Variants in SMIM13 observed in about 807,000 individuals in gnomAD.
The protein encoded by SMIM13 is small integral membrane protein 13.
A neutral mutation model predicts 5.9 loss-of-function variants in SMIM13; 3 were observed. That is an observed-to-expected ratio of 0.51 (90% CI 0.23 to 1.31). The LOEUF (loss-of-function observed/expected upper bound fraction) is 1.31. Ranked by LOEUF, SMIM13 falls within the 40% of genes most tolerant of loss-of-function variation. SMIM13 has a pLI of 0.18. For missense variants in SMIM13, 85 were observed against 109.9 expected, an observed-to-expected ratio of 0.77 and a Z score of 1.01; for synonymous variants, 55 against 46.0, an observed-to-expected ratio of 1.19 and a Z score of -0.79.
chr6:11,115,728 G>A (rs1313056336), intron 1 of SMIM13, among the ~76,000 whole-genome samples: 24 of 143,162 alleles, frequency 1.7e-4, no homozygotes, highest in African/African-American at 6.3e-4. Context: ...TTTGTTGCCC[G>A]GGCTGGGGTG....
chr6:11,124,128 A>C (rs1457151819), intron 1 of SMIM13, among the ~76,000 whole-genome samples: 1 of 152,154 alleles, frequency 6.6e-6, no homozygotes, highest in Non-Finnish European at 1.5e-5. Context: ...TTTTGTACCC[A>C]TTAACCATTC....
chr6:11,096,104 A>G (rs1177427067), intron 1 of SMIM13, among the ~76,000 whole-genome samples: 1 of 152,250 alleles, frequency 6.6e-6, no homozygotes, highest in Non-Finnish European at 1.5e-5. Flanking sequence ...ACATTAAGGA[A>G]TAAGAGAGAT....
chr6:11,106,296 A>AG (rs1489281708), intron 1 of SMIM13, among the ~76,000 whole-genome samples: 5 of 152,210 alleles, frequency 3.3e-5, no homozygotes, highest in Admixed American at 2.6e-4. Flanking sequence ...TGTGGTATGC[A>AG]GGGAGCTGAG....
At chr6:11,100,545 C>T (rs1757977056) in intron 1 of SMIM13, among the ~76,000 whole-genome samples, 1 of 152,168 alleles carries the variant, frequency 6.6e-6, no homozygotes, top group South Asian at 2.1e-4. Flanking sequence ...TTATCCTCTT[C>T]TGTACCCTGT....
chr6:11,097,493 T>TA (rs112958222), intron 1 of SMIM13, among the ~76,000 whole-genome samples: 33,798 of 141,882 alleles, frequency 0.24, 4,234 homozygotes, highest in African/African-American at 0.35. Flanking sequence ...CCGTCTGTGC[T>TA]AAAAAAAAAA....
Position 11,095,167 on chromosome 6 carries a change from A to G in SMIM13, c.76+778A>G, listed in dbSNP as rs369142060. On this transcript the variant is annotated intron_variant, in intron 1 of 1. Transcript: ENST00000416247. ...AGAACACGTGTCAGTGAGTTTACACATATTTATAAGACTGAAGTATGGGTT... is the reference window on the plus strand; with the variant it reads ...AGAACACGTGTCAGTGAGTTTACACGTATTTATAAGACTGAAGTATGGGTT... Among the ~76,000 whole-genome samples the G allele has an allele frequency of 3.3e-5, 5 of 152,340 alleles. No homozygotes were observed. In the East Asian group the frequency reaches 9.6e-4, roughly 29 times the overall value.
chr6:11,103,728 C>A (rs1430955726), intron 1 of SMIM13: 2 of 1,551,432 alleles, frequency 1.3e-6, no homozygotes, highest in Middle Eastern at 1.7e-4. Context: ...GCGAGGATGG[C>A]GTCCTGCACT....
chr6:11,097,118 A>G (rs902900145), intron 1 of SMIM13, among the ~76,000 whole-genome samples: 1 of 152,092 alleles, frequency 6.6e-6, no homozygotes, highest in African/African-American at 2.4e-5. Context: ...GATTACAGGC[A>G]TGAGCCACCC....
At chr6:11,100,070 GT>G (rs907562894) in intron 1 of SMIM13, among the ~76,000 whole-genome samples, 2 of 151,078 alleles carry the variant, frequency 1.3e-5, no homozygotes, top group African/African-American at 2.4e-5. Flanking sequence ...TTTTGTTTTT[GT>G]TTTTTTTGAG....
chr6:11,122,159 T>C (rs1421024622), intron 1 of SMIM13, among the ~76,000 whole-genome samples: 1 of 152,158 alleles, frequency 6.6e-6, no homozygotes, highest in Non-Finnish European at 1.5e-5. Flanking sequence ...TCTAGGGAGC[T>C]TAAAAAAAAT....
intron 1 of SMIM13, among the ~76,000 whole-genome samples, chr6:11,095,471 G>T (rs1385098585): frequency 6.6e-6 from 1 of 152,120 alleles, no homozygotes; most frequent in Non-Finnish European, 1.5e-5. Context: ...TCAGACTCTC[G>T]AGTAGCTGTA....
At chr6:11,116,497 T>C (rs1358750151) in intron 1 of SMIM13, among the ~76,000 whole-genome samples, 1 of 152,270 alleles carries the variant, frequency 6.6e-6, no homozygotes, top group East Asian at 1.9e-4. Context: ...GGACTTTTCT[T>C]TTTGGAAAGA....
chr6:11,105,593 G>A (rs1758073645), intron 1 of SMIM13: 4 of 378,700 alleles, frequency 1.1e-5, no homozygotes, highest in Non-Finnish European at 2.0e-5. Flanking sequence ...TCACTTGGGT[G>A]TGATGGATCT....
chr6:11,104,570 G>A (rs762706096), intron 1 of SMIM13: 1 of 1,608,932 alleles, frequency 6.2e-7, no homozygotes, highest in African/African-American at 1.3e-5. Context: ...TTTGGCTCTG[G>A]TTAGCTCCCT....
At position 11,134,505 on chromosome 6, in the gene SMIM13, C is replaced by G. The variant is rs747187306; in HGVS notation, c.179C>G (p.Ser60Cys). The G allele has an allele frequency of 2.6e-6, 4 of 1,551,210 alleles. No homozygotes were observed. The South Asian group carries it at 4.8e-5, about 18-fold the overall frequency. Reference sequence around the variant, plus strand: ...GAGGGAGATCATGAGCCTTCAGGGTCTGAAACTGAAGAAGACACTTCCTCC... The same window carrying G: ...GAGGGAGATCATGAGCCTTCAGGGTGTGAAACTGAAGAAGACACTTCCTCC... ...SQEGDHEPSG[S>C]ETEEDTSSSP... Residue 60 changes from serine (S) to cysteine (C), a missense_variant, in exon 2 of 2, where the codon TCT becomes TGT. Transcript: ENST00000416247.
intron 1 of SMIM13, among the ~76,000 whole-genome samples, chr6:11,108,749 G>T (rs1269569774): frequency 6.6e-6 from 1 of 152,190 alleles, no homozygotes; most frequent in African/African-American, 2.4e-5. Context: ...AGGCATAGGG[G>T]TACTGGGATC....
At position 11,103,510 on chromosome 6, in the gene SMIM13, C is replaced by T. The variant is rs916653636; in HGVS notation, c.76+9121C>T. ...GGGAAAATGGACGAAGGTCAGTCTT[C>T]TTTAACTGCTTCCTGCTGACAGAGG... On this transcript the variant is annotated intron_variant, in intron 1 of 1. Coordinates refer to ENST00000416247, the MANE Select transcript of SMIM13 (RefSeq NM_001135575.2). 2.7e-5 allele frequency: 24 copies of T among 878,106 alleles called. No homozygotes were observed. In the African/African-American group the frequency reaches 3.7e-4, roughly 14 times the overall value. The allele number at this position is 878,106 out of a possible 1,614,324, so 54.4% of individuals were successfully genotyped here. A position where few individuals can be genotyped will look rare whatever the true frequency, so the allele number is the denominator to read the frequency against.
intron 1 of SMIM13, among the ~76,000 whole-genome samples, chr6:11,099,976 G>A (rs1561750888): frequency 6.6e-6 from 1 of 152,016 alleles, no homozygotes; most frequent in East Asian, 1.9e-4. Context: ...TTTTTACATG[G>A]TTCTTCAATT....
At chr6:11,121,804 C>A (rs1238023860) in intron 1 of SMIM13, among the ~76,000 whole-genome samples, 3 of 152,212 alleles carry the variant, frequency 2.0e-5, no homozygotes, top group Admixed American at 2.0e-4. Context: ...TTCTTTATGT[C>A]CACTTCTGAC....
Sources: allele counts gnomAD v4.1 joint callset (sites outside exome capture counted in the v4.1 genomes callset), GRCh38; gene constraint gnomAD v4.1.1; transcripts MANE v1.5; gene names NCBI Gene and HGNC (gene_info 2026-07-23, HGNC 2026-07-21).